Variants in PRDM16 observed in about 807,000 individuals in gnomAD.
PRDM16 encodes PR/SET domain 16.
Under a neutral mutation model 110.6 loss-of-function variants are expected in PRDM16, and 23 were observed. That is an observed-to-expected ratio of 0.21 (90% CI 0.15 to 0.29). The LOEUF is 0.29. PRDM16 is among the 10% of genes least tolerant of loss of function. PRDM16 has a pLI of 1.00. For missense variants in PRDM16, 1,615 were observed against 1,794.3 expected (o/e 0.90, Z 1.81); for synonymous variants, 799 against 781.8 (o/e 1.02, Z -0.37).
At chr1:3,203,456 G>A (rs145939419) in intron 2 of PRDM16, among the ~76,000 whole-genome samples, 7 of 152,332 alleles carry the variant, frequency 4.6e-5, no homozygotes, top group East Asian at 1.9e-4. Context: ...GGGCGCTGCC[G>A]CAAGGTGCCA....
chr1:3,410,094 G>A (rs1164297763), intron 8 of PRDM16, among the ~76,000 whole-genome samples: 4 of 146,196 alleles, frequency 2.7e-5, no homozygotes, highest in African/African-American at 5.0e-5. Flanking sequence ...GAATGTGTGT[G>A]GTTGTGTGTG....
chr1:3,295,603 A>G (rs899932439), intron 3 of PRDM16, among the ~76,000 whole-genome samples: 4 of 151,998 alleles, frequency 2.6e-5, no homozygotes, highest in Admixed American at 2.0e-4. Flanking sequence ...TCAGGAGCCG[A>G]GCGTCCTCCT....
chr1:3,226,316 C>T (rs1247065346), intron 2 of PRDM16, among the ~76,000 whole-genome samples: 1 of 152,218 alleles, frequency 6.6e-6, no homozygotes, highest in African/African-American at 2.4e-5. Flanking sequence ...GTGGTGGGGT[C>T]ATTCAGACAG....
At chr1:3,204,495 C>A (rs1196318365) in intron 2 of PRDM16, among the ~76,000 whole-genome samples, 1 of 152,376 alleles carries the variant, frequency 6.6e-6, no homozygotes, top group South Asian at 2.1e-4. Context: ...GCAGAGGCCA[C>A]CAGGGAAGTC....
chr1:3,338,062 G>A (rs1642198236), intron 3 of PRDM16, among the ~76,000 whole-genome samples: 1 of 152,182 alleles, frequency 6.6e-6, no homozygotes, highest in African/African-American at 2.4e-5. Context: ...CATTCACACA[G>A]ACACGTGTGC....
chr1:3,094,124 T>C (rs1228071749), intron 1 of PRDM16, among the ~76,000 whole-genome samples: 2 of 152,030 alleles, frequency 1.3e-5, no homozygotes, highest in Admixed American at 1.3e-4. Flanking sequence ...AACACCTGAG[T>C]GTGCAGGGCA....
intron 3 of PRDM16, among the ~76,000 whole-genome samples, chr1:3,295,094 C>G (rs1218200482): frequency 6.6e-6 from 1 of 152,196 alleles, no homozygotes; most frequent in East Asian, 1.9e-4. Flanking sequence ...ATTTAAAAGC[C>G]ACCTCTGCCT....
intron 3 of PRDM16, among the ~76,000 whole-genome samples, chr1:3,247,151 G>C (rs752796077): frequency 6.6e-6 from 1 of 152,172 alleles, no homozygotes; most frequent in East Asian, 1.9e-4. Context: ...CATGACGGGG[G>C]TGGCTGTGTG....
chr1:3,157,110 C>T lies in PRDM16; in HGVS notation c.38-29015C>T, dbSNP rs1280939433. ...TGCCCAGTCGCCCAGATGGTGGTCCCAGGGCAGGGAGTGTTAGCACCTGCC... is the reference window on the plus strand; with the variant it reads ...TGCCCAGTCGCCCAGATGGTGGTCCTAGGGCAGGGAGTGTTAGCACCTGCC... On this transcript the variant is annotated intron_variant, in intron 1 of 16. Coordinates refer to ENST00000270722, the MANE Select transcript of PRDM16 (RefSeq NM_022114.4). This position sits in a 1 kb window ranked among gnomAD's most constrained non-coding sequence, Gnocchi z 4.8. Among the ~76,000 whole-genome samples, 1 of 152,200 alleles carries T rather than the reference C, an allele frequency of 6.6e-6. No individual in the cohort carries two copies. The highest frequency in any genetic ancestry group is 6.5e-5 in the Admixed American group (1 of 15,286).
intron 1 of PRDM16, among the ~76,000 whole-genome samples, chr1:3,115,537 T>C (rs1394996892): frequency 1.3e-5 from 2 of 152,226 alleles, no homozygotes; most frequent in East Asian, 3.9e-4. Context: ...GGCGTTTATG[T>C]GGACAAAGGC....
intron 3 of PRDM16, among the ~76,000 whole-genome samples, chr1:3,371,427 A>G (rs1204809261): frequency 6.7e-6 from 1 of 148,434 alleles, no homozygotes; most frequent in African/African-American, 2.5e-5. Context: ...TCCATTCATC[A>G]TCCATCCATA....
chr1:3,236,638 G>C (rs1045824341), intron 2 of PRDM16, among the ~76,000 whole-genome samples: 3 of 152,192 alleles, frequency 2.0e-5, no homozygotes, highest in African/African-American at 7.2e-5. Flanking sequence ...CTGGGAAAAG[G>C]GGCTGCCCAG....
rs940464966 is a variant in PRDM16 at position 3,148,613 on chromosome 1, G to A, written c.38-37512G>A. Reference sequence around the variant, plus strand: ...TTGCTGGGACCTCCTTGACGCTCACGGGGCTCAGATCCCATCTCAGGTGGG... The same window carrying A: ...TTGCTGGGACCTCCTTGACGCTCACAGGGCTCAGATCCCATCTCAGGTGGG... On this transcript the variant is annotated intron_variant, in intron 1 of 16. Transcript: ENST00000270722. The surrounding 1 kb of genome is among the most constrained non-coding windows in gnomAD (Gnocchi z 5.0). Among the ~76,000 whole-genome samples, 1 of 152,188 alleles carries A rather than the reference G, an allele frequency of 6.6e-6. No homozygotes were observed. Among genetic ancestry groups the A allele is most frequent in the African/African-American group, 2.4e-5 (1 of 41,434 alleles).
intron 3 of PRDM16, among the ~76,000 whole-genome samples, chr1:3,269,144 C>T (rs1335019304): frequency 1.3e-5 from 2 of 152,262 alleles, no homozygotes; most frequent in Non-Finnish European, 2.9e-5. Context: ...AGAGCAATGG[C>T]CATGGCCACT....
At chr1:3,109,063 C>T (rs1333375584) in intron 1 of PRDM16, among the ~76,000 whole-genome samples, 1 of 148,438 alleles carries the variant, frequency 6.7e-6, no homozygotes, top group African/African-American at 2.5e-5. Context: ...GCCTGGGTGA[C>T]AGAGGAAGAC....
At chr1:3,432,351 G>C (rs1273403883) in intron 16 of PRDM16, among the ~76,000 whole-genome samples, 1 of 152,232 alleles carries the variant, frequency 6.6e-6, no homozygotes, top group Non-Finnish European at 1.5e-5. Context: ...CGATGACCCT[G>C]GCAGGACCCT....
chr1:3,236,740 T>G (rs894101742), intron 2 of PRDM16, among the ~76,000 whole-genome samples: 1 of 152,220 alleles, frequency 6.6e-6, no homozygotes, highest in Non-Finnish European at 1.5e-5. Flanking sequence ...GGGTTAGCAC[T>G]CCCCTGCTGT....
intron 3 of PRDM16, among the ~76,000 whole-genome samples, chr1:3,377,486 A>G (rs1357789101): frequency 6.6e-6 from 1 of 152,226 alleles, no homozygotes; most frequent in Non-Finnish European, 1.5e-5. Context: ...TGTAAAGGTT[A>G]AGAGAAATTT....
At chr1:3,257,058 T>G (rs149001692) in intron 3 of PRDM16, among the ~76,000 whole-genome samples, 3 of 152,312 alleles carry the variant, frequency 2.0e-5, no homozygotes, top group Non-Finnish European at 4.4e-5. Context: ...GTTTTACTTG[T>G]TAATACGTTA....
Sources: allele counts gnomAD v4.1 joint callset (sites outside exome capture counted in the v4.1 genomes callset), GRCh38; gene constraint gnomAD v4.1.1; non-coding constraint Gnocchi (gnomAD v3.1); transcripts MANE v1.5; gene names NCBI Gene and HGNC (gene_info 2026-07-23, HGNC 2026-07-21).